GYS2: variants seen among roughly 807,000 people sequenced by gnomAD.
GYS2 encodes the protein glycogen synthase 2, also known as glycogen [starch] synthase, liver.
In GYS2, 80 loss-of-function variants were observed where a neutral mutation model predicts 85.6. The ratio of observed to expected loss-of-function variants is 0.93; its 90% confidence interval spans 0.78 to 1.13. The LOEUF is 1.13. Among genes scored for constraint, GYS2 ranks in the 50% most tolerant of loss-of-function variants. The pLI is 0.00. For missense variants in GYS2, 881 were observed against 854.9 expected (o/e 1.03, Z -0.38); for synonymous variants, 328 against 300.7 (o/e 1.09, Z -0.94).
chr12:21,597,605 G>A (rs1944710651), intron 1 of GYS2, among the ~76,000 whole-genome samples: 1 of 152,040 alleles, frequency 6.6e-6, no homozygotes. Context: ...TGGTAAGCAT[G>A]CAAATTAGTA....
intron 2 of GYS2, among the ~76,000 whole-genome samples, chr12:21,578,785 C>T (rs1045254210): frequency 6.6e-6 from 1 of 152,076 alleles, no homozygotes; most frequent in Non-Finnish European, 1.5e-5. Flanking sequence ...TCCCCATTCT[C>T]AGCGACTTTA....
chr12:21,553,795 T>TC (rs200682963), intron 11 of GYS2, among the ~76,000 whole-genome samples: 667 of 42,538 alleles, frequency 0.016, 4 homozygotes, highest in African/African-American at 0.052. Flanking sequence ...TACACACATA[T>TC]AACACACACA....
Position 21,604,796 on chromosome 12 carries a change from C to G in GYS2, c.-204G>C. On this transcript the variant is annotated 5_prime_UTR_variant, in exon 1 of 16. Coordinates refer to ENST00000261195, the MANE Select transcript of GYS2 (RefSeq NM_021957.4). Reference sequence around the variant, plus strand: ...GAAGGAGGAATTCTTCCTCCTCTTTCTCGTCTTTCTGGGCAGGTATTGTGA... The same window carrying G: ...GAAGGAGGAATTCTTCCTCCTCTTTGTCGTCTTTCTGGGCAGGTATTGTGA... 4 of 1,354,074 alleles carry G rather than the reference C, an allele frequency of 3.0e-6. No individual in the cohort carries two copies. The highest frequency in any genetic ancestry group is 3.8e-6 in the Non-Finnish European group (4 of 1,045,460). The allele number at this position is 1,354,074 out of a possible 1,614,324, so 83.9% of individuals were successfully genotyped here.
At chr12:21,545,167 G>C (rs1944023566) in intron 12 of GYS2, among the ~76,000 whole-genome samples, 1 of 152,200 alleles carries the variant, frequency 6.6e-6, no homozygotes, top group Non-Finnish European at 1.5e-5. Flanking sequence ...AAGAGGCCGG[G>C]TGTGATGGCT....
intron 2 of GYS2, among the ~76,000 whole-genome samples, chr12:21,580,023 A>T (rs1377779985): frequency 6.6e-6 from 1 of 152,138 alleles, no homozygotes; most frequent in East Asian, 1.9e-4. Context: ...TTGGTTGAAA[A>T]CCTTTACTCC....
intron 11 of GYS2, among the ~76,000 whole-genome samples, chr12:21,553,265 C>T (rs1944135378): frequency 6.6e-6 from 1 of 152,152 alleles, no homozygotes; most frequent in African/African-American, 2.4e-5. Context: ...TATTTTATGA[C>T]CATTCACAGA....
rs1432954639 is a variant in GYS2 at position 21,559,603 on chromosome 12, A to G, written c.1229+48T>C. The stretch of plus-strand genomic sequence containing the variant: ...ATGATGTCTAAATTGTTAAATTTGA[A>G]TAGTGAAACCTTAAGTGATTGAAGT... On this transcript the variant is annotated intron_variant, in intron 9 of 15. Transcript: ENST00000261195. 4.1e-6 allele frequency: 4 copies of G among 987,594 alleles called. No homozygotes were observed. The Admixed American group carries it at 5.1e-5, about 13-fold the overall frequency. 61.2% of individuals were successfully genotyped at this position (987,594 alleles called of 1,614,324 possible).
intron 4 of GYS2, among the ~76,000 whole-genome samples, chr12:21,570,821 A>T (rs928937419): frequency 6.6e-6 from 1 of 152,226 alleles, no homozygotes; most frequent in African/African-American, 2.4e-5. Flanking sequence ...CCACTCTGAA[A>T]GTGTTTATTT....
intron 15 of GYS2, chr12:21,537,464 A>G: frequency 2.5e-6 from 1 of 405,164 alleles, no homozygotes; most frequent in South Asian, 2.4e-5. Context: ...TCAGTACAGA[A>G]GAAAATGGAG....
intron 4 of GYS2, among the ~76,000 whole-genome samples, chr12:21,569,530 A>G (rs551430563): frequency 2.6e-5 from 4 of 152,316 alleles, no homozygotes; most frequent in East Asian, 3.9e-4. Context: ...CAAAGAGTGT[A>G]TAGTTAGTCT....
chr12:21,604,669 G>A lies in GYS2; in HGVS notation c.-77C>T, dbSNP rs543047384. ...AATCCCAGGAGAAGAGAACTTACAG[G>A]CACAAAAGTTAGAGTTGGTAGAGTT... On this transcript the variant is annotated 5_prime_UTR_variant, in exon 1 of 16. Coordinates refer to ENST00000261195, the MANE Select transcript of GYS2 (RefSeq NM_021957.4). 103 of 1,602,104 alleles carry A rather than the reference G, an allele frequency of 6.4e-5. No individual in the cohort carries two copies. The African/African-American group carries it at 1.3e-3, about 21-fold the overall frequency.
intron 1 of GYS2, among the ~76,000 whole-genome samples, chr12:21,594,222 T>C (rs1344919585): frequency 6.6e-6 from 1 of 151,966 alleles, no homozygotes; most frequent in Admixed American, 6.6e-5. Context: ...TCACTCCTAT[T>C]CAATATAATA....
At chr12:21,593,207 T>G (rs1362726215) in intron 1 of GYS2, among the ~76,000 whole-genome samples, 1 of 151,582 alleles carries the variant, frequency 6.6e-6, no homozygotes, top group Non-Finnish European at 1.5e-5. Flanking sequence ...AATCTAATCA[T>G]GTACCTCAAC....
intron 4 of GYS2, 125 bp downstream of exon 4, chr12:21,574,019 T>C: frequency 1.3e-6 from 1 of 763,316 alleles, no homozygotes; most frequent in East Asian, 2.7e-5. Flanking sequence ...TCATGAATAT[T>C]GATTAGCTAA....
intron 2 of GYS2, among the ~76,000 whole-genome samples, chr12:21,577,292 A>G (rs1944457425): frequency 6.6e-6 from 1 of 152,198 alleles, no homozygotes; most frequent in African/African-American, 2.4e-5. Context: ...ATATTACTAT[A>G]TAATATTTAC....
chr12:21,588,401 A>G (rs910428581), intron 1 of GYS2, among the ~76,000 whole-genome samples: 1 of 152,238 alleles, frequency 6.6e-6, no homozygotes, highest in Non-Finnish European at 1.5e-5. Flanking sequence ...CTTTTTGGAA[A>G]ATTGCCCTTT....
chr12:21,599,799 G>T (rs1944734941), intron 1 of GYS2, among the ~76,000 whole-genome samples: 1 of 152,076 alleles, frequency 6.6e-6, no homozygotes, highest in Non-Finnish European at 1.5e-5. Context: ...CAAAGTGAAA[G>T]CTGGTATGAC....
intron 5 of GYS2, among the ~76,000 whole-genome samples, chr12:21,565,330 T>C (rs965310888): frequency 1.4e-5 from 2 of 147,252 alleles, no homozygotes; most frequent in Non-Finnish European, 3.0e-5. Context: ...AAGCTACCAA[T>C]GTAAATGCAG....
chr12:21,580,728 G>T (rs1178543418), intron 1 of GYS2, among the ~76,000 whole-genome samples: 2 of 152,200 alleles, frequency 1.3e-5, no homozygotes, highest in African/African-American at 4.8e-5. Context: ...TTCTGTGCAT[G>T]TTTTAAAGTC....
Sources: allele counts gnomAD v4.1 joint callset (sites outside exome capture counted in the v4.1 genomes callset), GRCh38; gene constraint gnomAD v4.1.1; transcripts MANE v1.5; gene names NCBI Gene and HGNC (gene_info 2026-07-23, HGNC 2026-07-21).